Variants in CTNNA2 observed in about 807,000 individuals in gnomAD.
CTNNA2 encodes catenin alpha-2.
In CTNNA2, 42 loss-of-function variants were observed where a neutral mutation model predicts 101.0. That is an observed-to-expected ratio of 0.42 (90% CI 0.32 to 0.54). CTNNA2 has a LOEUF of 0.54. CTNNA2 is among the 20% of genes least tolerant of loss of function. CTNNA2 has a pLI of 0.14. For missense variants in CTNNA2, 871 were observed against 1,223.1 expected, an observed-to-expected ratio of 0.71 and a Z score of 4.29; for synonymous variants, 450 against 456.4, an observed-to-expected ratio of 0.99 and a Z score of 0.18.
intron 1 of CTNNA2, among the ~76,000 whole-genome samples, chr2:79,546,713 G>A (rs1385841158): frequency 6.6e-6 from 1 of 152,168 alleles, no homozygotes; most frequent in Non-Finnish European, 1.5e-5. Context: ...CAGGGGTGGA[G>A]CAATCAAGTA....
In CTNNA2 at chr2:80,495,939, C is replaced by CAAAAAAAAA. The variant is rs60582703; in HGVS notation, c.1291-49023_1291-49015dup. ...TGGGCGGCAGAGCAAGACTCTGTCT[C>CAAAAAAAAA]AAAAAAAAAAAAAAAAAAAAAAAAA... On this transcript the variant is annotated intron_variant, in intron 9 of 18. Transcript: ENST00000402739. 1.5e-3 allele frequency among the ~76,000 whole-genome samples: 52 copies of CAAAAAAAAA among 35,772 alleles called. 5 individuals are homozygous for CAAAAAAAAA. Among genetic ancestry groups the CAAAAAAAAA allele is most frequent in the Middle Eastern group, 0.042 (1 of 24 alleles). The allele number at this position is 35,772 out of a possible 152,430, so 23.5% of individuals were successfully genotyped here. A position where few individuals can be genotyped will look rare whatever the true frequency, so the allele number is the denominator to read the frequency against.
chr2:80,247,995 C>G (rs999612032), intron 7 of CTNNA2, among the ~76,000 whole-genome samples: 1 of 151,846 alleles, frequency 6.6e-6, no homozygotes, highest in East Asian at 1.9e-4. Flanking sequence ...AAATTGGTAC[C>G]TCTATCATTT....
intron 7 of CTNNA2, among the ~76,000 whole-genome samples, chr2:80,336,296 C>G (rs1483322454): frequency 1.3e-5 from 2 of 152,038 alleles, no homozygotes; most frequent in Non-Finnish European, 2.9e-5. Context: ...GATCCTAATT[C>G]TACTCGTGAG....
intron 3 of CTNNA2, among the ~76,000 whole-genome samples, chr2:79,343,522 C>T (rs74886220): frequency 0.015 from 2,324 of 152,182 alleles, 18 homozygotes; most frequent in Non-Finnish European, 0.024. Context: ...TATTGATTTT[C>T]GTATCCCAGA....
chr2:79,240,630 A>T (rs1199024959), intron 2 of CTNNA2, among the ~76,000 whole-genome samples: 1 of 152,144 alleles, frequency 6.6e-6, no homozygotes, highest in Non-Finnish European at 1.5e-5. Flanking sequence ...ATGTGATAAA[A>T]TCTCATTTAT....
chr2:79,320,069 A>G (rs1237814463), intron 3 of CTNNA2: 1 of 152,154 alleles, frequency 6.6e-6, no homozygotes, highest in African/African-American at 2.4e-5. Context: ...GAAGGGAGAA[A>G]GAGTAGCTTA....
At chr2:80,201,734 G>A (rs986711896) in intron 7 of CTNNA2, among the ~76,000 whole-genome samples, 1 of 152,126 alleles carries the variant, frequency 6.6e-6, no homozygotes, top group East Asian at 1.9e-4. Context: ...GTTTCCCAGT[G>A]TTTCAACATG....
At chr2:80,634,022 T>G (rs1203974014) in intron 18 of CTNNA2, among the ~76,000 whole-genome samples, 1 of 152,198 alleles carries the variant, frequency 6.6e-6, no homozygotes, top group African/African-American at 2.4e-5. Flanking sequence ...TAAGAATGGA[T>G]ACTGAACTAG....
chr2:80,098,674 G>T (rs182215098), intron 7 of CTNNA2, among the ~76,000 whole-genome samples: 1 of 152,192 alleles, frequency 6.6e-6, no homozygotes, highest in Non-Finnish European at 1.5e-5. Context: ...CTTCCTAGCC[G>T]CTTTGTTTAC....
chr2:80,453,944 A>G (rs180852412), intron 9 of CTNNA2, among the ~76,000 whole-genome samples: 3 of 152,306 alleles, frequency 2.0e-5, no homozygotes, highest in Admixed American at 2.0e-4. Context: ...CTGAAATAAC[A>G]ATAAATTATT....
chr2:79,745,441 A>T (rs942831616), intron 3 of CTNNA2, among the ~76,000 whole-genome samples: 8 of 151,758 alleles, frequency 5.3e-5, no homozygotes, highest in African/African-American at 1.9e-4. Context: ...TTAAAAAAAA[A>T]AAATAAAATA....
intron 2 of CTNNA2, among the ~76,000 whole-genome samples, chr2:79,706,102 T>C (rs899500800): frequency 2.0e-5 from 3 of 151,932 alleles, no homozygotes; most frequent in Non-Finnish European, 2.9e-5. Flanking sequence ...CGGTGGCTTA[T>C]ACCTGTAATC....
chr2:80,002,590 G>A (rs926861654), intron 7 of CTNNA2, among the ~76,000 whole-genome samples: 3 of 152,108 alleles, frequency 2.0e-5, no homozygotes, highest in Non-Finnish European at 4.4e-5. Context: ...GGAAAGGAAG[G>A]ATGAAAGAAT....
chr2:80,119,770 G>T (rs779441953), intron 7 of CTNNA2, among the ~76,000 whole-genome samples: 9 of 152,120 alleles, frequency 5.9e-5, no homozygotes, highest in Non-Finnish European at 1.2e-4. Context: ...GCTGTAAGGG[G>T]AGGAGAGATT....
chr2:80,376,732 C>T (rs750682955), intron 7 of CTNNA2, among the ~76,000 whole-genome samples: 15 of 152,182 alleles, frequency 9.9e-5, no homozygotes, highest in Non-Finnish European at 1.8e-4. Flanking sequence ...TTCGAGGACT[C>T]CCCATCAGTG....
chr2:80,469,875 T>C (rs1572967912), intron 9 of CTNNA2, among the ~76,000 whole-genome samples: 1 of 152,202 alleles, frequency 6.6e-6, no homozygotes, highest in Non-Finnish European at 1.5e-5. Context: ...ATCTTATTTT[T>C]GGCTTCAAAA....
At chr2:79,645,844 C>T (rs772892151) in intron 1 of CTNNA2, among the ~76,000 whole-genome samples, 4 of 152,202 alleles carry the variant, frequency 2.6e-5, no homozygotes, top group African/African-American at 7.2e-5. Flanking sequence ...CAACATCATA[C>T]GTGCAGAGGT....
At chr2:79,990,895 G>T (rs1692126221) in intron 7 of CTNNA2, among the ~76,000 whole-genome samples, 1 of 152,140 alleles carries the variant, frequency 6.6e-6, no homozygotes, top group Admixed American at 6.5e-5. Flanking sequence ...TTGGCTGTGA[G>T]TCCGTCTGGT....
chr2:79,494,411 A>T (rs1671234691), intron 4 of CTNNA2, among the ~76,000 whole-genome samples: 2 of 152,192 alleles, frequency 1.3e-5, no homozygotes, highest in Non-Finnish European at 2.9e-5. Flanking sequence ...ATTTAAAAAC[A>T]TACTGCAAGC....
Sources: gnomAD v4.1 joint callset for allele counts (sites outside exome capture counted in the v4.1 genomes callset) on GRCh38, gnomAD v4.1.1 for gene constraint, MANE v1.5 for transcripts, NCBI Gene and HGNC (gene_info 2026-07-23, HGNC 2026-07-21) for gene names.